The following DENND2B variants were observed in gnomAD, a reference collection of about 807,000 sequenced individuals.
DENND2B encodes the protein DENN domain-containing protein 2B.
DENND2B carries 32 observed loss-of-function variants against 116.0 expected under a neutral mutation model. That is an observed-to-expected ratio of 0.28 (90% CI 0.21 to 0.37). The LOEUF is 0.37. DENND2B is among the 10% of genes least tolerant of loss of function. The pLI is 1.00. For synonymous variants in DENND2B, 588 were observed against 583.9 expected (o/e 1.01, Z -0.10); for missense variants, 1,276 against 1,477.7 (o/e 0.86, Z 2.24).
At chr11:8,909,204 G>A (rs1301914232) in intron 1 of DENND2B, among the ~76,000 whole-genome samples, 1 of 152,160 alleles carries the variant, frequency 6.6e-6, no homozygotes, top group Non-Finnish European at 1.5e-5. Flanking sequence ...CAGAGAGCCT[G>A]GGCAACATAG....
chr11:8,774,655 C>T (rs1181965191), intron 1 of DENND2B, among the ~76,000 whole-genome samples: 4 of 152,138 alleles, frequency 2.6e-5, no homozygotes, highest in Non-Finnish European at 5.9e-5. Flanking sequence ...ACTACAAATC[C>T]ACAAGTCAAG....
chr11:8,861,009 A>G (rs1336639893), intron 2 of DENND2B, among the ~76,000 whole-genome samples: 1 of 150,216 alleles, frequency 6.7e-6, no homozygotes, highest in East Asian at 1.9e-4. Context: ...CTGGATCCCT[A>G]TCACTCACCA....
intron 2 of DENND2B, among the ~76,000 whole-genome samples, chr11:8,736,504 G>A (rs2049064994): frequency 6.6e-6 from 1 of 152,134 alleles, no homozygotes; most frequent in Non-Finnish European, 1.5e-5. Context: ...GACGGTTTGG[G>A]GGCCAATAAA....
intron 1 of DENND2B, among the ~76,000 whole-genome samples, chr11:8,787,826 T>C (rs773773284): frequency 1.7e-4 from 26 of 152,250 alleles, no homozygotes; most frequent in Non-Finnish European, 3.1e-4. Flanking sequence ...AGAAGAATTA[T>C]TTCAAGTTTT....
intron 2 of DENND2B, among the ~76,000 whole-genome samples, chr11:8,740,041 T>C (rs1003333348): frequency 1.3e-5 from 2 of 151,388 alleles, no homozygotes; most frequent in Non-Finnish European, 2.9e-5. Context: ...AATTTAAAAA[T>C]TAGCTGGGTG....
At chr11:8,872,880 T>A (rs921066547), upstream of DENND2B, among the ~76,000 whole-genome samples, 1 of 152,252 alleles carries the variant, frequency 6.6e-6, no homozygotes, top group African/African-American at 2.4e-5. Flanking sequence ...CAAGTTTTTC[T>A]CCAAACTCAC....
chr11:8,866,904 T>G (rs1239314100), intron 2 of DENND2B, among the ~76,000 whole-genome samples: 1 of 152,068 alleles, frequency 6.6e-6, no homozygotes, highest in Non-Finnish European at 1.5e-5. Context: ...TAAGGCAAGC[T>G]CTCCAAGGTG....
chr11:8,802,929 C>A (rs1181004545), intron 1 of DENND2B, among the ~76,000 whole-genome samples: 2 of 152,240 alleles, frequency 1.3e-5, no homozygotes, highest in East Asian at 3.9e-4. Context: ...AAAATGCTTC[C>A]TAGAATCTGG....
intron 3 of DENND2B, among the ~76,000 whole-genome samples, chr11:8,851,409 C>A (rs1312652428): frequency 6.6e-6 from 1 of 152,078 alleles, no homozygotes; most frequent in African/African-American, 2.4e-5. Flanking sequence ...AGCTCCATAG[C>A]AATCCAAGAA....
At chr11:8,840,717 C>A (rs2062595010) in intron 3 of DENND2B, among the ~76,000 whole-genome samples, 1 of 152,178 alleles carries the variant, frequency 6.6e-6, no homozygotes, top group Admixed American at 6.5e-5. Context: ...GGGTGCTGTG[C>A]AGTATCCAGC....
At chr11:8,897,384 T>C (rs2064115315) in intron 1 of DENND2B, among the ~76,000 whole-genome samples, 1 of 152,156 alleles carries the variant, frequency 6.6e-6, no homozygotes, top group African/African-American at 2.4e-5. Context: ...GTTTTTGCAA[T>C]CCCTACACTC....
intron 11 of DENND2B, chr11:8,708,124 CGCTGACGGGG>C: frequency 7.3e-7 from 1 of 1,377,994 alleles, no homozygotes; most frequent in Non-Finnish European, 9.4e-7. Flanking sequence ...CCCAGGAGGA[CGCTGACGGGG>C]GCTGGCAAAG....
intron 1 of DENND2B, among the ~76,000 whole-genome samples, chr11:8,791,338 A>G (rs1221814994): frequency 2.6e-5 from 4 of 152,258 alleles, no homozygotes; most frequent in Non-Finnish European, 5.9e-5. Flanking sequence ...AAACATTAAC[A>G]AAAGAAATCT....
intron 13 of DENND2B, 131 bp downstream of exon 13, chr11:8,706,954 T>TG: frequency 8.5e-7 from 1 of 1,178,410 alleles, no homozygotes; most frequent in Non-Finnish European, 1.2e-6. Flanking sequence ...TCCCTAGTGA[T>TG]GGGGTACACA....
chr11:8,729,250 C>T (rs773794548), intron 3 of DENND2B, among the ~76,000 whole-genome samples: 1 of 152,176 alleles, frequency 6.6e-6, no homozygotes, highest in Non-Finnish European at 1.5e-5. Flanking sequence ...GAACAAGACG[C>T]CTGCCAGCTT....
chr11:8,709,947 A>C (rs565447333), intron 11 of DENND2B, among the ~76,000 whole-genome samples: 2 of 152,248 alleles, frequency 1.3e-5, no homozygotes, highest in South Asian at 4.1e-4. Flanking sequence ...TGTTAAACTC[A>C]TCTTTATATG....
intron 18 of DENND2B, chr11:8,695,970 C>T (rs780272639): frequency 2.9e-5 from 7 of 243,960 alleles, no homozygotes; most frequent in Admixed American, 5.0e-5. Context: ...AAAAAGCCCT[C>T]GAATGAGCTG....
chr11:8,848,750 A>G (rs1329450268), intron 3 of DENND2B, among the ~76,000 whole-genome samples: 1 of 152,248 alleles, frequency 6.6e-6, no homozygotes, highest in South Asian at 2.1e-4. Context: ...ATCATTATTC[A>G]TAATAGCCAA....
At chr11:8,696,875 C>T (rs1365003436) in intron 17 of DENND2B, among the ~76,000 whole-genome samples, 1 of 152,232 alleles carries the variant, frequency 6.6e-6, no homozygotes, top group East Asian at 1.9e-4. Flanking sequence ...CCTCCGCCTC[C>T]TGGGTTCAAG....
Sources: allele counts gnomAD v4.1 joint callset (sites outside exome capture counted in the v4.1 genomes callset), GRCh38; gene constraint gnomAD v4.1.1; transcripts MANE v1.5; gene names NCBI Gene and HGNC (gene_info 2026-07-23, HGNC 2026-07-21).